The following STXBP4 variants were observed in gnomAD, a reference collection of about 807,000 sequenced individuals.
STXBP4 encodes syntaxin binding protein 4.
A neutral mutation model predicts 76.1 loss-of-function variants in STXBP4; 55 were observed. That is an observed-to-expected ratio of 0.72 (90% CI 0.58 to 0.91). STXBP4 has a LOEUF of 0.91. Among genes scored for constraint, STXBP4 ranks in the 40% least tolerant of loss-of-function variants. The pLI is 0.00. For missense variants in STXBP4, 618 were observed against 636.9 expected, an observed-to-expected ratio of 0.97 and a Z score of 0.32; for synonymous variants, 201 against 220.2, an observed-to-expected ratio of 0.91 and a Z score of 0.77.
the STXBP4 span, among the ~76,000 whole-genome samples, chr17:55,196,580 C>G: frequency 6.6e-6 from 1 of 152,208 alleles, no homozygotes; most frequent in Non-Finnish European, 1.5e-5. Flanking sequence ...CTTGTGTCCA[C>G]TGCTCTGGTA....
Position 54,999,330 on chromosome 17 carries a change from T to G in STXBP4, c.181-15T>G, listed in dbSNP as rs779862859. On this transcript the variant is annotated splice_polypyrimidine_tract_variant and intron_variant, in intron 4 of 17. Transcript: ENST00000376352. The stretch of plus-strand genomic sequence containing the variant: ...ACCTCATTAGTTCCTTTATAAATGT[T>G]ACTGTTTTTGTTAGGATGGTCGTTT... 75 of 1,588,534 alleles carry G rather than the reference T, an allele frequency of 4.7e-5. 1 individual carries two copies. The South Asian group carries it at 7.8e-4, about 16-fold the overall frequency.
the STXBP4 span, among the ~76,000 whole-genome samples, chr17:55,187,454 G>A: frequency 6.6e-6 from 1 of 151,834 alleles, no homozygotes; most frequent in Non-Finnish European, 1.5e-5. Flanking sequence ...AACAACAACA[G>A]TGTTCTATGG....
the STXBP4 span, among the ~76,000 whole-genome samples, chr17:55,190,535 A>G: frequency 5.8e-3 from 891 of 152,362 alleles, 6 homozygotes; most frequent in Non-Finnish European, 9.5e-3. Context: ...AAGAGAAACT[A>G]TAAAGTCTGT....
At position 55,110,749 on chromosome 17, in the gene STXBP4, A is replaced by T. The variant is rs547865839; in HGVS notation, c.1489+29566A>T. ...GTTCCAATAAAACTTTGATTCTAAG[A>T]ATAGGCGGCAGTCCAGATTTGGCCC... is the stretch of plus-strand genomic sequence containing the variant. On this transcript the variant is annotated intron_variant, in intron 16 of 17. Transcript: ENST00000376352. 1.6e-4 allele frequency among the ~76,000 whole-genome samples: 25 copies of T among 152,342 alleles called. 1 individual carries two copies. The South Asian group carries it at 5.2e-3, about 32-fold the overall frequency.
At chr17:55,174,845 A>G (rs891863658), downstream of STXBP4, among the ~76,000 whole-genome samples, 7 of 152,178 alleles carry the variant, frequency 4.6e-5, no homozygotes, top group African/African-American at 1.7e-4. Context: ...TTCCTCTTAG[A>G]TAATGCAACT....
chr17:54,985,920 A>G (rs2077619946), intron 2 of STXBP4, among the ~76,000 whole-genome samples: 1 of 152,218 alleles, frequency 6.6e-6, no homozygotes, highest in Admixed American at 6.5e-5. Context: ...TCATAATGAT[A>G]TAGACATAGA....
intron 8 of STXBP4, among the ~76,000 whole-genome samples, chr17:55,023,769 T>A (rs561152866): frequency 7.5e-4 from 114 of 152,166 alleles, no homozygotes; most frequent in Non-Finnish European, 9.9e-4. Context: ...GTGTGAGTAC[T>A]GACATCATAT....
intron 16 of STXBP4, among the ~76,000 whole-genome samples, chr17:55,095,251 CTT>C (rs2079469778): frequency 6.6e-6 from 1 of 152,152 alleles, no homozygotes; most frequent in Non-Finnish European, 1.5e-5. Context: ...TCAATTATCA[CTT>C]TTTCAAAAGA....
Position 55,034,175 on chromosome 17 carries a change from C to G in STXBP4, c.771C>G (p.Val257=). 6.2e-7 allele frequency: 1 copy of G among 1,611,588 alleles called. No homozygotes were observed. Among genetic ancestry groups the G allele is most frequent in the South Asian group, 1.1e-5 (1 of 90,740 alleles). Residue 257 remains valine (V), a synonymous_variant, in exon 10 of 18, where the codon GTC becomes GTG. Coordinates refer to ENST00000376352, the MANE Select transcript of STXBP4 (RefSeq NM_178509.6). The stretch of plus-strand genomic sequence containing the variant: ...AAATGTGTTCCATTTTAGATTTTGT[C>G]CAGGTTGCCAGAAACTTGTTTTGCT... ...SKGTVSFGDF[V]QVARNLFCLQ... is the part of the protein sequence containing the mutation.
intron 7 of STXBP4, among the ~76,000 whole-genome samples, chr17:55,003,137 G>A (rs967692031): frequency 3.3e-5 from 5 of 152,086 alleles, no homozygotes; most frequent in African/African-American, 9.7e-5. Flanking sequence ...ACAGGAGATC[G>A]TTTCAAGTTA....
intron 16 of STXBP4, among the ~76,000 whole-genome samples, chr17:55,136,251 A>G (rs1032963728): frequency 6.6e-6 from 1 of 152,070 alleles, no homozygotes; most frequent in African/African-American, 2.4e-5. Flanking sequence ...GTAATCATCT[A>G]TTGGATAAAA....
intron 17 of STXBP4, among the ~76,000 whole-genome samples, chr17:55,145,077 C>A (rs2080137469): frequency 6.6e-6 from 1 of 152,200 alleles, no homozygotes; most frequent in South Asian, 2.1e-4. Context: ...CTTTATGGTT[C>A]TTAGCTGCAT....
chr17:55,184,943 C>T, the STXBP4 span, among the ~76,000 whole-genome samples: 1 of 152,136 alleles, frequency 6.6e-6, no homozygotes, highest in Non-Finnish European at 1.5e-5. Flanking sequence ...ACCATCACAG[C>T]TCACTGCAGC....
chr17:55,105,108 G>A (rs958242145), intron 16 of STXBP4, among the ~76,000 whole-genome samples: 2 of 151,918 alleles, frequency 1.3e-5, no homozygotes, highest in Non-Finnish European at 2.9e-5. Flanking sequence ...AGGGTTTTTC[G>A]TGTCTCTATC....
At chr17:55,029,189 A>C (rs904897374) in intron 8 of STXBP4, among the ~76,000 whole-genome samples, 1 of 152,160 alleles carries the variant, frequency 6.6e-6, no homozygotes, top group Non-Finnish European at 1.5e-5. Flanking sequence ...TTGAGCAATT[A>C]TGAAATCATA....
At chr17:55,063,608 A>C (rs1353164091) in intron 12 of STXBP4, among the ~76,000 whole-genome samples, 1 of 152,234 alleles carries the variant, frequency 6.6e-6, no homozygotes, top group Non-Finnish European at 1.5e-5. Context: ...CGTGCTTTAT[A>C]TGGAGTCATT....
intron 1 of STXBP4, among the ~76,000 whole-genome samples, chr17:54,979,639 T>C (rs1387919274): frequency 6.6e-6 from 1 of 152,230 alleles, no homozygotes; most frequent in Non-Finnish European, 1.5e-5. Flanking sequence ...ATCCCCATTT[T>C]ATCAAGATAA....
intron 10 of STXBP4, among the ~76,000 whole-genome samples, chr17:55,039,512 G>C (rs2078661052): frequency 6.6e-6 from 1 of 152,028 alleles, no homozygotes; most frequent in African/African-American, 2.4e-5. Context: ...CATATGTGTT[G>C]GTTATCTAGG....
rs1373436906 is a variant in STXBP4 at position 55,170,999 on chromosome 17, G to A, written c.*11088G>A. On this transcript the variant is annotated 3_prime_UTR_variant, in exon 18 of 18. Coordinates refer to ENST00000376352, the MANE Select transcript of STXBP4 (RefSeq NM_178509.6). ...ATCTCAGAGCAGTATCATTGGTTGAGCAGTCCTGCAGGACATCTAAGTTTA... is the reference window on the plus strand; with the variant it reads ...ATCTCAGAGCAGTATCATTGGTTGAACAGTCCTGCAGGACATCTAAGTTTA... 6.6e-6 allele frequency: 1 copy of A among 152,194 alleles called. No individual in the cohort carries two copies. Among genetic ancestry groups the A allele is most frequent in the African/African-American group, 2.4e-5 (1 of 41,438 alleles). 9.4% of individuals were successfully genotyped at this position (152,194 alleles called of 1,614,324 possible). A position where few individuals can be genotyped will look rare whatever the true frequency, so the allele number is the denominator to read the frequency against.
Sources: allele counts gnomAD v4.1 joint callset (sites outside exome capture counted in the v4.1 genomes callset), GRCh38; gene constraint gnomAD v4.1.1; transcripts MANE v1.5; gene names NCBI Gene and HGNC (gene_info 2026-07-23, HGNC 2026-07-21).